PTPN21: variants seen among roughly 807,000 people sequenced by gnomAD.
PTPN21 encodes protein tyrosine phosphatase non-receptor type 21.
Under a neutral mutation model 131.8 loss-of-function variants are expected in PTPN21, and 77 were observed. The observed-to-expected ratio is 0.58, with a 90% CI of 0.49 to 0.71. The LOEUF is 0.71. Among genes scored for constraint, PTPN21 ranks in the 30% least tolerant of loss-of-function variants. The pLI, the probability that PTPN21 is intolerant of heterozygous loss-of-function variation, is 0.00. For synonymous variants in PTPN21, 715 were observed against 621.3 expected (o/e 1.15, Z -2.24); for missense variants, 1,552 against 1,527.1 (o/e 1.02, Z -0.27).
In PTPN21 at chr14:88,466,559, A is replaced by G. The variant is rs2077366409; in HGVS notation, c.*1578T>C. The G allele has an allele frequency of 6.6e-6, 1 of 152,222 alleles. No homozygotes were observed. The highest frequency in any genetic ancestry group is 2.1e-4 in the South Asian group (1 of 4,836). 9.4% of individuals were successfully genotyped at this position (152,222 alleles called of 1,614,324 possible). ...TGACATTTTGGAAGTTCACTGTAAG[A>G]AGAGACCCCAAAAAGAAGGAAAAGG... On this transcript the variant is annotated 3_prime_UTR_variant, in exon 19 of 19. Coordinates refer to ENST00000556564, the MANE Select transcript of PTPN21 (RefSeq NM_007039.4).
chr14:88,500,759 T>C (rs767011140), intron 8 of PTPN21, 24 bp downstream of exon 8: 14 of 1,518,540 alleles, frequency 9.2e-6, no homozygotes, highest in Non-Finnish European at 1.3e-5. Flanking sequence ...ATAGAAAACA[T>C]ACAAAAAGAG....
intron 2 of PTPN21, among the ~76,000 whole-genome samples, chr14:88,524,422 A>G (rs1337455613): frequency 6.6e-6 from 1 of 152,182 alleles, no homozygotes; most frequent in Non-Finnish European, 1.5e-5. Context: ...AGATCCACAT[A>G]CGAAAGAATG....
At position 88,500,854 on chromosome 14, in the gene PTPN21, G is replaced by A; in HGVS notation, c.693C>T (p.Asp231=). 6.2e-7 allele frequency: 1 copy of A among 1,612,762 alleles called. No individual in the cohort carries two copies. The highest frequency in any genetic ancestry group is 8.5e-7 in the Non-Finnish European group (1 of 1,178,792). The change falls in exon 8 of 19, where the codon GAC becomes GAT. Residue 231 remains aspartate, a synonymous_variant. Coordinates refer to ENST00000556564, the MANE Select transcript of PTPN21 (RefSeq NM_007039.4). ...SYPAKDSQGS[D]ISIGACLEGI... is the part of the protein sequence containing the mutation. ...CTTCAAGACACGCTCCAATGGATAT[G>A]TCACTTCCTTGGCTATCCTACAAGG...
At chr14:88,487,953 G>C (rs1448875373) in intron 10 of PTPN21, among the ~76,000 whole-genome samples, 1 of 124,770 alleles carries the variant, frequency 8.0e-6, no homozygotes, top group East Asian at 2.5e-4. Context: ...GCGACAGAGT[G>C]AGACTCCATC....
intron 1 of PTPN21, among the ~76,000 whole-genome samples, chr14:88,553,866 A>C (rs1490638839): frequency 1.3e-5 from 2 of 152,180 alleles, no homozygotes; most frequent in Admixed American, 1.3e-4. Flanking sequence ...AATAAGCACT[A>C]AAAGGAGAGA....
In PTPN21 at chr14:88,466,218, G is replaced by T. The variant is rs1193360681; in HGVS notation, c.*1919C>A. On this transcript the variant is annotated 3_prime_UTR_variant, in exon 19 of 19. Transcript: ENST00000556564. ...TAAACAGGACTTTAAAAAGAATTTTGTATTTACAAAATTTACATTTTGTTC... is the reference window on the plus strand; with the variant it reads ...TAAACAGGACTTTAAAAAGAATTTTTTATTTACAAAATTTACATTTTGTTC... 6.6e-6 allele frequency: 1 copy of T among 151,888 alleles called. No individual in the cohort carries two copies. The highest frequency in any genetic ancestry group is 1.5e-5 in the Non-Finnish European group (1 of 67,964). The allele number at this position is 151,888 out of a possible 1,614,324, so 9.4% of individuals were successfully genotyped here.
intron 2 of PTPN21, among the ~76,000 whole-genome samples, chr14:88,523,115 C>A (rs750591416): frequency 1.3e-5 from 2 of 152,008 alleles, no homozygotes; most frequent in Non-Finnish European, 2.9e-5. Context: ...AGCATTACCC[C>A]AATACCAAAG....
At chr14:88,528,705 T>C (rs962919062) in intron 2 of PTPN21, among the ~76,000 whole-genome samples, 2 of 152,236 alleles carry the variant, frequency 1.3e-5, no homozygotes, top group Admixed American at 6.5e-5. Context: ...TCTGCCACCA[T>C]GTGAGACGTG....
intron 3 of PTPN21, 29 bp downstream of exon 3, chr14:88,517,063 C>G: frequency 6.2e-7 from 1 of 1,609,666 alleles, no homozygotes; most frequent in Non-Finnish European, 8.5e-7. Context: ...AGACTATTTC[C>G]TAAAAACAAA....
chr14:88,520,038 G>A (rs1367402023), intron 2 of PTPN21, among the ~76,000 whole-genome samples: 2 of 152,108 alleles, frequency 1.3e-5, no homozygotes, highest in East Asian at 1.9e-4. Context: ...AATCTCCTAG[G>A]TATTTCTTGG....
At chr14:88,494,801 C>T (rs942529375) in intron 10 of PTPN21, among the ~76,000 whole-genome samples, 1 of 151,652 alleles carries the variant, frequency 6.6e-6, no homozygotes, top group African/African-American at 2.4e-5. Context: ...ATCACGAGGT[C>T]AGGAGATCAA....
chr14:88,550,557 C>T lies in PTPN21; in HGVS notation c.-140G>A. 1 of 827,344 alleles carries T rather than the reference C, an allele frequency of 1.2e-6. No individual in the cohort carries two copies. The highest frequency in any genetic ancestry group is 1.8e-6 in the Non-Finnish European group (1 of 544,462). 51.3% of individuals were successfully genotyped at this position (827,344 alleles called of 1,614,324 possible). A position where few individuals can be genotyped will look rare whatever the true frequency, so the allele number is the denominator to read the frequency against. ...CCTCCAGCTGCTCACCCAGCAGCCG[C>T]TGCCGCCATTAAAAAGCAACGGAGT... is the stretch of plus-strand genomic sequence containing the variant. On this transcript the variant is annotated 5_prime_UTR_variant, in exon 2 of 19. Transcript: ENST00000556564.
chr14:88,487,902 G>A (rs1238771415), intron 10 of PTPN21, among the ~76,000 whole-genome samples: 1 of 146,844 alleles, frequency 6.8e-6, no homozygotes, highest in Non-Finnish European at 1.5e-5. Context: ...GGGGGCGGAG[G>A]TTGCAGTGAG....
Position 88,550,536 on chromosome 14 carries a change from C to A in PTPN21, c.-119G>T. The A allele has an allele frequency of 1.0e-6, 1 of 981,132 alleles. No individual in the cohort carries two copies. The highest frequency in any genetic ancestry group is 2.6e-5 in the East Asian group (1 of 37,760). 60.8% of individuals were successfully genotyped at this position (981,132 alleles called of 1,614,324 possible). A position where few individuals can be genotyped will look rare whatever the true frequency, so the allele number is the denominator to read the frequency against. ...GATGGGACGAACACTGTCCGGCCTC[C>A]AGCTGCTCACCCAGCAGCCGCTGCC... is the stretch of plus-strand genomic sequence containing the variant. On this transcript the variant is annotated 5_prime_UTR_variant, in exon 2 of 19. Coordinates refer to ENST00000556564, the MANE Select transcript of PTPN21 (RefSeq NM_007039.4).
intron 10 of PTPN21, among the ~76,000 whole-genome samples, chr14:88,488,094 C>A (rs2077764732): frequency 6.6e-6 from 1 of 152,126 alleles, no homozygotes; most frequent in South Asian, 2.1e-4. Flanking sequence ...GTCCTCTGAA[C>A]CCTGTGTTCA....
At chr14:88,498,688 G>T (rs982175759) in intron 8 of PTPN21, among the ~76,000 whole-genome samples, 3 of 152,142 alleles carry the variant, frequency 2.0e-5, no homozygotes, top group South Asian at 2.1e-4. Flanking sequence ...ACAAAAGTGG[G>T]GGAGGTGTGC....
intron 1 of PTPN21, among the ~76,000 whole-genome samples, chr14:88,552,831 TAAG>T (rs1009529784): frequency 4.6e-5 from 7 of 152,202 alleles, no homozygotes; most frequent in Admixed American, 6.5e-5. Flanking sequence ...CTTTAAATAA[TAAG>T]CTTTTAACTA....
chr14:88,524,735 T>C (rs1030994252), intron 2 of PTPN21, among the ~76,000 whole-genome samples: 1 of 152,098 alleles, frequency 6.6e-6, no homozygotes, highest in Non-Finnish European at 1.5e-5. Flanking sequence ...CAAGACCCTG[T>C]CTTTACAAAA....
In PTPN21 at chr14:88,479,261, C is replaced by G; in HGVS notation, c.2170G>C (p.Gly724Arg). 1.2e-6 allele frequency: 2 copies of G among 1,612,352 alleles called. No homozygotes were observed. Among genetic ancestry groups the G allele is most frequent in the Middle Eastern group, 1.7e-4 (1 of 6,050 alleles). Residue 724 changes from glycine (G) to arginine (R), a missense_variant, in exon 13 of 19, where the codon GGG (glycine) becomes CGG (arginine). This residue lies in a region of PTPN21 where 1,016 missense variants were observed against 883.5 expected (regional missense o/e 1.15). Coordinates refer to ENST00000556564, the MANE Select transcript of PTPN21 (RefSeq NM_007039.4). Reference protein sequence around the residue: ...EEDEDFEEESGARAPPARARE... With the variant: ...EEDEDFEEESRARAPPARARE... ...GCACGTGCAGGAGGCGCCCGGGCCC[C>G]GCTCTCCTCCTCGAAGTCCTCGTCC...
Sources: allele counts gnomAD v4.1 joint callset (sites outside exome capture counted in the v4.1 genomes callset), GRCh38; gene constraint gnomAD v4.1.1; regional missense constraint gnomAD v4.1.1; transcripts MANE v1.5; gene names NCBI Gene and HGNC (gene_info 2026-07-23, HGNC 2026-07-21).